The following DCC variants were observed in gnomAD, a reference collection of about 807,000 sequenced individuals.
The protein encoded by DCC is netrin receptor DCC.
DCC carries 58 observed loss-of-function variants against 172.5 expected under a neutral mutation model. That is an observed-to-expected ratio of 0.34 (90% CI 0.27 to 0.42). DCC has a LOEUF of 0.42. Ranked by LOEUF, DCC falls within the 10% of genes least tolerant of loss-of-function variation. DCC has a pLI of 1.00. For synonymous variants in DCC, 709 were observed against 644.5 expected (o/e 1.10, Z -1.52); for missense variants, 1,740 against 1,791.0 (o/e 0.97, Z 0.51).
chr18:52,854,365 G>A (rs1407803374), intron 2 of DCC, among the ~76,000 whole-genome samples: 2 of 152,066 alleles, frequency 1.3e-5, no homozygotes, highest in African/African-American at 4.8e-5. Context: ...GGGTATTTCT[G>A]TGAGACGAGA....
chr18:52,760,702 A>AT (rs2037147158), intron 2 of DCC, among the ~76,000 whole-genome samples: 1 of 152,198 alleles, frequency 6.6e-6, no homozygotes, highest in Non-Finnish European at 1.5e-5. Flanking sequence ...ATGGTAAAAT[A>AT]TATTATTTGG....
At chr18:52,657,114 G>A (rs556944984) in intron 1 of DCC, among the ~76,000 whole-genome samples, 36 of 152,212 alleles carry the variant, frequency 2.4e-4, no homozygotes, top group African/African-American at 6.5e-4. Context: ...AGTATTGTGC[G>A]GCAAGATTGA....
At chr18:52,569,441 T>A (rs1231189868) in intron 1 of DCC, among the ~76,000 whole-genome samples, 1 of 152,200 alleles carries the variant, frequency 6.6e-6, no homozygotes, top group Non-Finnish European at 1.5e-5. Flanking sequence ...TTAGCTATCT[T>A]TATTGCTATG....
At chr18:52,998,132 C>T (rs1599013324) in intron 5 of DCC, among the ~76,000 whole-genome samples, 1 of 152,072 alleles carries the variant, frequency 6.6e-6, no homozygotes, top group African/African-American at 2.4e-5. Flanking sequence ...TTTCATTTAG[C>T]TTGCCACATT....
chr18:53,292,689 CAAAACA>C lies in DCC; in HGVS notation c.1912-12873_1912-12868del, dbSNP rs541331898. Among the ~76,000 whole-genome samples, 485 of 152,104 alleles carry C rather than the reference CAAAACA, an allele frequency of 3.2e-3. 1 individual carries two copies. The highest frequency in any genetic ancestry group is 0.011 in the African/African-American group (463 of 41,506). On this transcript the variant is annotated intron_variant, in intron 12 of 28. Transcript: ENST00000442544. ...GGGTGACAAGAGCGAAACTCCGTCT[CAAAACA>C]AAAACAAAAACAAAACAAAACAAAA...
At position 52,846,544 on chromosome 18, in the gene DCC, GA is replaced by G. The variant is rs199772498; in HGVS notation, c.413-59490del. 2.5e-3 allele frequency among the ~76,000 whole-genome samples: 364 copies of G among 144,520 alleles called. 3 individuals are homozygous for G. In the Middle Eastern group the frequency reaches 0.04, roughly 16 times the overall value. The allele number at this position is 144,520 out of a possible 152,430, so 94.8% of individuals were successfully genotyped here. ...AAAGATTGAGACCCTGTCTCAAAGA[GA>G]AAAAAAAAATTCAGATTTAACTGCT... On this transcript the variant is annotated intron_variant, in intron 2 of 28. Transcript: ENST00000442544.
intron 5 of DCC, among the ~76,000 whole-genome samples, chr18:52,974,257 G>A (rs1469191555): frequency 6.6e-6 from 1 of 152,110 alleles, no homozygotes; most frequent in Non-Finnish European, 1.5e-5. Context: ...TGTTCACGTA[G>A]GTAGCATAAT....
At chr18:52,521,697 G>A (rs1386055455) in intron 1 of DCC, among the ~76,000 whole-genome samples, 1 of 152,246 alleles carries the variant, frequency 6.6e-6, no homozygotes, top group African/African-American at 2.4e-5. Flanking sequence ...ACACTAGTTT[G>A]AGGAAGTTAT....
chr18:52,752,872 C>A (rs1283409482), intron 2 of DCC, among the ~76,000 whole-genome samples: 1 of 152,042 alleles, frequency 6.6e-6, no homozygotes, highest in Non-Finnish European at 1.5e-5. Flanking sequence ...CAGTGCCTGG[C>A]ATGTTTCCCT....
At chr18:52,797,945 C>A (rs772353073) in intron 2 of DCC, among the ~76,000 whole-genome samples, 1 of 152,030 alleles carries the variant, frequency 6.6e-6, no homozygotes, top group Non-Finnish European at 1.5e-5. Context: ...GGCCTGTTCT[C>A]AGGCACCACT....
intron 1 of DCC, among the ~76,000 whole-genome samples, chr18:52,681,898 T>TA (rs34891621): frequency 5.3e-5 from 8 of 151,908 alleles, no homozygotes; most frequent in South Asian, 2.1e-4. Flanking sequence ...TCTTCCCTTC[T>TA]AAAAAAAATG....
At chr18:52,721,095 G>T (rs2036466932) in intron 1 of DCC, among the ~76,000 whole-genome samples, 1 of 152,146 alleles carries the variant, frequency 6.6e-6, no homozygotes, top group African/African-American at 2.4e-5. Flanking sequence ...GAAAAATCTG[G>T]GTTTGAGAGG....
chr18:52,876,642 G>A (rs1373539647), intron 2 of DCC, among the ~76,000 whole-genome samples: 2 of 152,190 alleles, frequency 1.3e-5, no homozygotes, highest in Non-Finnish European at 2.9e-5. Context: ...GAATGGTCTG[G>A]ATCAGTGCTT....
chr18:53,427,843 A>AT (rs1911083058), intron 21 of DCC, among the ~76,000 whole-genome samples: 1 of 46,598 alleles, frequency 2.1e-5, no homozygotes, highest in African/African-American at 4.7e-5. Flanking sequence ...TATATAATAT[A>AT]TATATTTCTT....
At chr18:53,263,853 A>G (rs988451188) in intron 12 of DCC, among the ~76,000 whole-genome samples, 9 of 151,940 alleles carry the variant, frequency 5.9e-5, no homozygotes, top group Non-Finnish European at 1.3e-4. Context: ...CTCTGACCCT[A>G]CTGATATTAT....
intron 13 of DCC, among the ~76,000 whole-genome samples, chr18:53,310,991 G>GACACACACACACACACACACAC (rs5825008): frequency 0.012 from 1,742 of 145,724 alleles, 27 homozygotes; most frequent in Middle Eastern, 0.036. Context: ...AAGCATCTAG[G>GACACACACACACACACACACAC]ACACACACAC....
intron 2 of DCC, among the ~76,000 whole-genome samples, chr18:52,812,938 A>G (rs2038228279): frequency 6.6e-6 from 1 of 152,238 alleles, no homozygotes; most frequent in African/African-American, 2.4e-5. Context: ...GCAATCAGGC[A>G]GAAACCCTAG....
intron 1 of DCC, among the ~76,000 whole-genome samples, chr18:52,506,639 C>T (rs952112245): frequency 6.6e-6 from 1 of 152,006 alleles, no homozygotes; most frequent in African/African-American, 2.4e-5. Context: ...TGATATTTTT[C>T]TTTAAAAATC....
chr18:52,657,075 G>A (rs903851054), intron 1 of DCC, among the ~76,000 whole-genome samples: 4 of 152,162 alleles, frequency 2.6e-5, no homozygotes, highest in African/African-American at 9.7e-5. Context: ...TAGAGACACT[G>A]CAATATACAA....
Sources: gnomAD v4.1 joint callset for allele counts (sites outside exome capture counted in the v4.1 genomes callset) on GRCh38, gnomAD v4.1.1 for gene constraint, MANE v1.5 for transcripts, NCBI Gene and HGNC (gene_info 2026-07-23, HGNC 2026-07-21) for gene names.